The following MTMR7 variants were observed in gnomAD, a reference collection of about 807,000 sequenced individuals.
MTMR7 encodes myotubularin related protein 7.
MTMR7 carries 76 observed loss-of-function variants against 81.2 expected under a neutral mutation model. The observed-to-expected ratio is 0.94, with a 90% CI of 0.78 to 1.13. MTMR7 has a LOEUF of 1.13. Among genes scored for constraint, MTMR7 ranks in the 50% most tolerant of loss-of-function variants. MTMR7 has a pLI of 0.00. For synonymous variants in MTMR7, 372 were observed against 289.8 expected, an observed-to-expected ratio of 1.28 and a Z score of -2.88; for missense variants, 1,044 against 820.0, an observed-to-expected ratio of 1.27 and a Z score of -3.34.
intron 4 of MTMR7, among the ~76,000 whole-genome samples, chr8:17,359,864 A>G (rs1820008340): frequency 6.6e-6 from 1 of 152,220 alleles, no homozygotes; most frequent in Non-Finnish European, 1.5e-5. Context: ...ATTCATAGAC[A>G]TTGGTACAAC....
At chr8:17,399,923 G>A (rs1041413901) in intron 1 of MTMR7, among the ~76,000 whole-genome samples, 1 of 149,800 alleles carries the variant, frequency 6.7e-6, no homozygotes, top group Non-Finnish European at 1.5e-5. Flanking sequence ...CTAAATTGTT[G>A]TGTAAATCTC....
At chr8:17,395,543 A>C (rs1182244866) in intron 1 of MTMR7, among the ~76,000 whole-genome samples, 8 of 152,350 alleles carry the variant, frequency 5.3e-5, no homozygotes, top group African/African-American at 1.9e-4. Context: ...CCAACAATGC[A>C]CAAGGGTTCC....
Position 17,371,213 on chromosome 8 carries a change from T to A in MTMR7, c.148-14A>T. The A allele has an allele frequency of 6.2e-7, 1 of 1,613,288 alleles. No individual in the cohort carries two copies. Among genetic ancestry groups the A allele is most frequent in the Non-Finnish European group, 8.5e-7 (1 of 1,179,554 alleles). On this transcript the variant is annotated splice_polypyrimidine_tract_variant and intron_variant, in intron 2 of 13. Transcript: ENST00000180173. ...ACTGTGAAGAATCTAGAACCAAATGTTAATGTGCATAAGCTAAGCACAAAT... is the reference window on the plus strand; with the variant it reads ...ACTGTGAAGAATCTAGAACCAAATGATAATGTGCATAAGCTAAGCACAAAT...
At chr8:17,349,169 A>G in intron 4 of MTMR7, 88 bp from the exon 5 acceptor site, 3 of 1,487,236 alleles carry the variant, frequency 2.0e-6, no homozygotes, top group Non-Finnish European at 2.8e-6. Flanking sequence ...CCACGCTTAC[A>G]GGTACATCCT....
At chr8:17,379,633 A>T (rs1042449187) in intron 1 of MTMR7, among the ~76,000 whole-genome samples, 3 of 152,190 alleles carry the variant, frequency 2.0e-5, no homozygotes, top group African/African-American at 7.2e-5. Flanking sequence ...TAAAACTAGG[A>T]AACATGTACT....
chr8:17,406,672 G>T (rs141340211), intron 1 of MTMR7, among the ~76,000 whole-genome samples: 1 of 151,988 alleles, frequency 6.6e-6, no homozygotes, highest in South Asian at 2.1e-4. Flanking sequence ...ACAAACATAC[G>T]TCCACACAAA....
At chr8:17,323,563 G>C (rs749675270) in intron 7 of MTMR7, among the ~76,000 whole-genome samples, 7 of 152,054 alleles carry the variant, frequency 4.6e-5, no homozygotes, top group Admixed American at 2.0e-4. Context: ...CACTAGAGAG[G>C]AGGCCAGGAA....
chr8:17,355,249 C>T (rs902418949), intron 4 of MTMR7, among the ~76,000 whole-genome samples: 3 of 152,058 alleles, frequency 2.0e-5, no homozygotes, highest in Admixed American at 2.0e-4. Context: ...TCCTTTCTTT[C>T]AAGGCTAAAA....
Position 17,346,884 on chromosome 8 carries a change from T to TAAAA in MTMR7, c.597+2065_597+2068dup, listed in dbSNP as rs55910829. 1.9e-3 allele frequency among the ~76,000 whole-genome samples: 126 copies of TAAAA among 65,040 alleles called. 1 individual carries two copies. The highest frequency in any genetic ancestry group is 2.7e-3 in the Non-Finnish European group (92 of 34,058). The allele number at this position is 65,040 out of a possible 152,430, so 42.7% of individuals were successfully genotyped here. ...CCTATCTCTATTTATCCTATCTTAATAAAAAAAAAAAAAAAAAAAAAAAAA... is the reference window on the plus strand; with the variant it reads ...CCTATCTCTATTTATCCTATCTTAATAAAAAAAAAAAAAAAAAAAAAAAAAAAAA... On this transcript the variant is annotated intron_variant, in intron 5 of 13. Coordinates refer to ENST00000180173, the MANE Select transcript of MTMR7 (RefSeq NM_004686.5).
intron 4 of MTMR7, among the ~76,000 whole-genome samples, chr8:17,355,415 A>G (rs1053643800): frequency 6.6e-6 from 1 of 152,190 alleles, no homozygotes; most frequent in Non-Finnish European, 1.5e-5. Context: ...CAAATAATCC[A>G]TAAATTCAAG....
chr8:17,299,886 A>T lies in MTMR7; in HGVS notation c.1959T>A (p.Asp653Glu), dbSNP rs1816993354. The change falls in exon 14 of 14, where the codon GAT becomes GAA. Residue 653 changes from aspartate (D) to glutamate (E), a missense_variant. Transcript: ENST00000180173. ...TTCAGGCAGTGAGAAACACGGCTTC[A>T]TCAGAATCCCGGTCCTTGCCACTAT... ...SEDSGKDRDSDEAVFLTA is the reference protein window; with the variant it reads ...SEDSGKDRDSEEAVFLTA 2.5e-6 allele frequency: 4 copies of T among 1,613,988 alleles called. No homozygotes were observed. Among genetic ancestry groups the T allele is most frequent in the African/African-American group, 1.3e-5 (1 of 74,918 alleles).
intron 1 of MTMR7, among the ~76,000 whole-genome samples, chr8:17,378,472 CTAACT>C (rs1043492731): frequency 2.9e-4 from 44 of 152,052 alleles, no homozygotes; most frequent in Non-Finnish European, 2.5e-4. Flanking sequence ...TACTGTTGGG[CTAACT>C]TAATTCTGTC....
chr8:17,311,876 GC>G, intron 8 of MTMR7: 1 of 516,658 alleles, frequency 1.9e-6, no homozygotes. Flanking sequence ...CCTCCAATAA[GC>G]GCATGTACTT....
chr8:17,354,007 A>T (rs1819813148), intron 4 of MTMR7, among the ~76,000 whole-genome samples: 1 of 152,186 alleles, frequency 6.6e-6, no homozygotes, highest in Non-Finnish European at 1.5e-5. Context: ...TTTGTTAACC[A>T]AGTTAGAATC....
At chr8:17,369,866 C>T (rs1241551734) in intron 3 of MTMR7, among the ~76,000 whole-genome samples, 3 of 151,876 alleles carry the variant, frequency 2.0e-5, no homozygotes, top group African/African-American at 7.3e-5. Context: ...AGGATGGTCT[C>T]AGTCTCCTGA....
chr8:17,395,333 G>C (rs1472147256), intron 1 of MTMR7, among the ~76,000 whole-genome samples: 2 of 152,048 alleles, frequency 1.3e-5, no homozygotes, highest in Non-Finnish European at 1.5e-5. Flanking sequence ...TGGACTCTTG[G>C]ATTGTTCCCA....
chr8:17,345,690 C>A (rs1000170259), intron 5 of MTMR7, among the ~76,000 whole-genome samples: 1 of 152,184 alleles, frequency 6.6e-6, no homozygotes, highest in Non-Finnish European at 1.5e-5. Context: ...GTGGTAACAG[C>A]TGATACAAAG....
chr8:17,314,389 T>G (rs1277591223), intron 7 of MTMR7, among the ~76,000 whole-genome samples: 1 of 152,096 alleles, frequency 6.6e-6, no homozygotes, highest in Non-Finnish European at 1.5e-5. Context: ...CTTGCACATG[T>G]TATTCCAGTC....
intron 4 of MTMR7, among the ~76,000 whole-genome samples, chr8:17,356,393 A>C (rs10092432): frequency 1 from 152,145 of 152,202 alleles, 76,044 homozygotes; most frequent in Non-Finnish European, 1. Context: ...CTATTATGAA[A>C]AACGCTTCAA....
Sources: allele counts gnomAD v4.1 joint callset (sites outside exome capture counted in the v4.1 genomes callset), GRCh38; gene constraint gnomAD v4.1.1; transcripts MANE v1.5; gene names NCBI Gene and HGNC (gene_info 2026-07-23, HGNC 2026-07-21).